The following FAM186A variants were observed in gnomAD, a reference collection of about 807,000 sequenced individuals.
The protein encoded by FAM186A is protein FAM186A.
In FAM186A, 163 loss-of-function variants were observed where a neutral mutation model predicts 216.8. That is an observed-to-expected ratio of 0.75 (90% CI 0.66 to 0.86). FAM186A has a LOEUF of 0.86. FAM186A is among the 40% of genes least tolerant of loss of function. FAM186A has a pLI of 0.00. For synonymous variants in FAM186A, 805 were observed against 1,025.3 expected (o/e 0.79, Z 4.10); for missense variants, 2,184 against 2,746.2 (o/e 0.80, Z 4.58).
chr12:50,366,410 G>A (rs927086043), intron 1 of FAM186A, among the ~76,000 whole-genome samples: 9 of 152,002 alleles, frequency 5.9e-5, no homozygotes, highest in Non-Finnish European at 1.2e-4. Flanking sequence ...AACGTATATC[G>A]AAGCCAGACA....
chr12:50,365,468 A>T (rs1374976150), intron 1 of FAM186A, among the ~76,000 whole-genome samples: 2 of 152,200 alleles, frequency 1.3e-5, no homozygotes, highest in Non-Finnish European at 2.9e-5. Flanking sequence ...AATGTTAAAA[A>T]TATTTTTTAA....
chr12:50,328,969 A>G (rs1309318133), intron 7 of FAM186A, among the ~76,000 whole-genome samples: 1 of 152,040 alleles, frequency 6.6e-6, no homozygotes, highest in African/African-American at 2.4e-5. Context: ...TACAAAAAAA[A>G]TTAGCTAGGC....
intron 4 of FAM186A, among the ~76,000 whole-genome samples, chr12:50,342,157 T>C (rs1942769470): frequency 6.6e-6 from 1 of 150,798 alleles, no homozygotes; most frequent in Admixed American, 6.6e-5. Context: ...TAGCCAGGCA[T>C]GGCGGCGGCG....
intron 4 of FAM186A, among the ~76,000 whole-genome samples, chr12:50,334,370 C>T (rs544009459): frequency 6.6e-6 from 1 of 151,802 alleles, no homozygotes; most frequent in African/African-American, 2.4e-5. Context: ...CGGGGTTTCT[C>T]CATGTTGGTC....
chr12:50,373,180 C>A (rs1400531261), intron 1 of FAM186A, among the ~76,000 whole-genome samples: 2 of 152,068 alleles, frequency 1.3e-5, no homozygotes, highest in East Asian at 3.9e-4. Context: ...GGGCATATCA[C>A]GAGGTCAGGA....
intron 1 of FAM186A, among the ~76,000 whole-genome samples, chr12:50,394,584 T>C (rs1943394378): frequency 1.3e-5 from 2 of 151,548 alleles, no homozygotes; most frequent in African/African-American, 2.4e-5. Context: ...TATCTATCTA[T>C]CTACCTATCT....
chr12:50,335,399 A>C (rs183375338), intron 4 of FAM186A, among the ~76,000 whole-genome samples: 30 of 152,338 alleles, frequency 2.0e-4, no homozygotes, highest in Non-Finnish European at 3.1e-4. Flanking sequence ...TAATCCAAGC[A>C]CTTTGGGAAG....
rs886402398 is a variant in FAM186A at position 50,330,643 on chromosome 12, C to A, written c.6964G>T (p.Asp2322Tyr). Residue 2322 changes from aspartate to tyrosine, a missense_variant, in exon 7 of 8, where the codon GAT becomes TAT. Physicochemically the swap from Asp to Tyr is radical, Grantham distance 160 (BLOSUM62 -3). Coordinates refer to ENST00000327337, the MANE Select transcript of FAM186A (RefSeq NM_001145475.3). ...TCTAACTGAAGCAGCCTGGGAATAT[C>A]TGGGTACCCACCCAGCTGGGCCCAG... ...SLWAQLGGYP[D>Y]IPRLLQLEVQ... The A allele has an allele frequency of 5.4e-5, 84 of 1,550,442 alleles. No homozygotes were observed. The highest frequency in any genetic ancestry group is 7.1e-5 in the Non-Finnish European group (81 of 1,146,512).
chr12:50,337,853 G>A (rs560286014), intron 4 of FAM186A, among the ~76,000 whole-genome samples: 20 of 152,156 alleles, frequency 1.3e-4, no homozygotes, highest in South Asian at 8.3e-4. Flanking sequence ...CCAAGATGGC[G>A]CCACTGCATT....
Position 50,351,038 on chromosome 12 carries a change from G to C in FAM186A, c.5794C>G (p.Pro1932Ala). The change falls in exon 4 of 8, where the codon CCC becomes GCC. Residue 1932 changes from proline (P) to alanine (A), a missense_variant. Physicochemically the swap from Pro to Ala is conservative, Grantham distance 27 (BLOSUM62 -1). Coordinates refer to ENST00000327337, the MANE Select transcript of FAM186A (RefSeq NM_001145475.3). ...GGGGCTGGGGACGGCCATAGTGTGGGAGGATGTCTAGAGGTGGGAGGGATC... is the reference window on the plus strand; with the variant it reads ...GGGGCTGGGGACGGCCATAGTGTGGCAGGATGTCTAGAGGTGGGAGGGATC... ...LWIPPTSRHP[P>A]TLWPSPAPGK... is the part of the protein sequence containing the mutation. 1 of 1,551,574 alleles carries C rather than the reference G, an allele frequency of 6.4e-7. No homozygotes were observed. The highest frequency in any genetic ancestry group is 8.7e-7 in the Non-Finnish European group (1 of 1,146,964).
chr12:50,328,394 G>T (rs1313608265), intron 7 of FAM186A, among the ~76,000 whole-genome samples: 3 of 152,060 alleles, frequency 2.0e-5, no homozygotes, highest in African/African-American at 4.8e-5. Context: ...CAAAAATACA[G>T]ATCTACAATG....
Position 50,353,974 on chromosome 12 carries a change from G to A in FAM186A, c.2858C>T (p.Ala953Val), listed in dbSNP as rs781428935. 1.1e-4 allele frequency: 178 copies of A among 1,552,196 alleles called. 2 individuals are homozygous for A. Among genetic ancestry groups the A allele is most frequent in the South Asian group, 5.8e-4 (49 of 84,062 alleles). Residue 953 changes from alanine (A) to valine (V), a missense_variant, in exon 4 of 8, where the codon GCG becomes GTG. By Grantham distance (64) the Ala-to-Val change is moderately conservative. This residue lies in a region of FAM186A where 1,132 missense variants were observed against 1,263.4 expected (regional missense o/e 0.90). Transcript: ENST00000327337. The part of the protein sequence containing the change: ...NGQMRQIQKE[A>V]KHLGPHRRRE... ...TCTCCTGTGTGGCCCCAAATGTTTC[G>A]CTTCCTTCTGAATCTGCCTCATCTG...
At chr12:50,389,467 G>T (rs1310974332) in intron 1 of FAM186A, among the ~76,000 whole-genome samples, 2 of 152,082 alleles carry the variant, frequency 1.3e-5, no homozygotes, top group South Asian at 2.1e-4. Context: ...GACATTGCAC[G>T]CCAGCTTGGG....
chr12:50,378,224 CA>C (rs71083550), intron 1 of FAM186A, among the ~76,000 whole-genome samples: 138,919 of 145,138 alleles, frequency 0.96, 66,712 homozygotes, highest in East Asian at 1. Context: ...AACTCCATCT[CA>C]AAAAAAAAAA....
At chr12:50,363,113 G>A in intron 2 of FAM186A, 32 bp downstream of exon 2, 1 of 1,468,692 alleles carries the variant, frequency 6.8e-7, no homozygotes. Flanking sequence ...TTAACTTTAT[G>A]GTTTTCCTCT....
At chr12:50,368,158 T>C (rs1045490139) in intron 1 of FAM186A, among the ~76,000 whole-genome samples, 2 of 150,988 alleles carry the variant, frequency 1.3e-5, no homozygotes, top group African/African-American at 4.9e-5. Context: ...AATAATAATA[T>C]TGAGAGGCCG....
At chr12:50,383,332 A>G (rs1387773051) in intron 1 of FAM186A, among the ~76,000 whole-genome samples, 1 of 142,196 alleles carries the variant, frequency 7.0e-6, no homozygotes, top group East Asian at 2.3e-4. Context: ...GCTCACGCCT[A>G]TAACCTGTAA....
intron 4 of FAM186A, 32 bp from the exon 5 acceptor site, chr12:50,334,135 A>G: frequency 6.8e-7 from 1 of 1,480,408 alleles, no homozygotes; most frequent in South Asian, 1.3e-5. Flanking sequence ...TAGAGCGATA[A>G]TAGTTGCAGA....
At chr12:50,361,506 G>T (rs1277016089) in intron 2 of FAM186A, among the ~76,000 whole-genome samples, 1 of 149,896 alleles carries the variant, frequency 6.7e-6, no homozygotes, top group African/African-American at 2.5e-5. Context: ...GCCTATGTGT[G>T]TGTGTTTTAA....
Sources: gnomAD v4.1 joint callset for allele counts (sites outside exome capture counted in the v4.1 genomes callset) on GRCh38, gnomAD v4.1.1 for gene constraint, gnomAD v4.1.1 regional missense constraint, MANE v1.5 for transcripts, NCBI Gene and HGNC (gene_info 2026-07-23, HGNC 2026-07-21) for gene names.